CLASP1: variants seen among roughly 807,000 people sequenced by gnomAD.
CLASP1 encodes the protein cytoplasmic linker associated protein 1.
CLASP1 carries 38 observed loss-of-function variants against 192.3 expected under a neutral mutation model. The observed-to-expected ratio is 0.20, with a 90% confidence interval of 0.15 to 0.26. The LOEUF (loss-of-function observed/expected upper bound fraction) is 0.26, where lower values mean the gene tolerates loss of function less well. CLASP1 is among the 10% of genes least tolerant of loss of function. The probability of loss-of-function intolerance (pLI) is 1.00; values close to 1 mark genes in which losing one functional copy is unlikely to be tolerated. For missense variants in CLASP1, 1,433 were observed against 1,932.5 expected, an observed-to-expected ratio of 0.74 and a Z score of 4.85; for synonymous variants, 691 against 712.8, an observed-to-expected ratio of 0.97 and a Z score of 0.49.
At chr2:121,382,122 T>C (rs1021716103) in intron 33 of CLASP1, 86 bp downstream of exon 34, 1 of 1,035,942 alleles carries the variant, frequency 9.7e-7, no homozygotes, top group African/African-American at 1.6e-5. Flanking sequence ...GGAGGCAGCT[T>C]AGAGGCTTTC....
At chr2:121,623,584 A>C (rs959308632) in intron 1 of CLASP1, among the ~76,000 whole-genome samples, 1 of 152,202 alleles carries the variant, frequency 6.6e-6, no homozygotes, top group Non-Finnish European at 1.5e-5. Context: ...CTTTATTTTG[A>C]AAGAGTGTGT....
rs568131405 is a variant in CLASP1, at chr2:121,400,824, A to C, written c.2900+685T>G. On this transcript the variant is annotated intron_variant, in intron 28 of 39. Transcript: ENST00000263710. ...CCTTTGTTCTTTAAAAAAGTTCACC[A>C]ATTTGACATTCCCCCCATCCATCTT... Among the ~76,000 whole-genome samples the C allele has an allele frequency of 1.9e-4, 29 of 152,290 alleles. 2 individuals carry two copies. In the South Asian group the frequency reaches 5.8e-3, roughly 30 times the overall value.
At chr2:121,559,144 C>A (rs2058847604) in intron 2 of CLASP1, among the ~76,000 whole-genome samples, 1 of 152,180 alleles carries the variant, frequency 6.6e-6, no homozygotes, top group Non-Finnish European at 1.5e-5. Flanking sequence ...ACAAACCCAG[C>A]AGAATGCTCA....
At chr2:121,365,022 G>T in intron 36 of CLASP1, 72 bp downstream of exon 37, 2 of 1,364,020 alleles carry the variant, frequency 1.5e-6, no homozygotes, top group Non-Finnish European at 2.1e-6. Context: ...CTGAAGCTAA[G>T]CCCAATAAGA....
chr2:121,644,797 A>G (rs2072848992), intron 1 of CLASP1, among the ~76,000 whole-genome samples: 1 of 151,950 alleles, frequency 6.6e-6, no homozygotes, highest in South Asian at 2.1e-4. Context: ...TTCTAAAACA[A>G]AATTTAGAAA....
At chr2:121,453,148 T>C (rs191944083) in intron 14 of CLASP1, among the ~76,000 whole-genome samples, 4 of 152,186 alleles carry the variant, frequency 2.6e-5, no homozygotes, top group South Asian at 4.1e-4. Flanking sequence ...AAAAAATTAG[T>C]TGGGCATGGT....
chr2:121,478,044 T>C (rs2091855744), intron 8 of CLASP1, among the ~76,000 whole-genome samples: 1 of 152,202 alleles, frequency 6.6e-6, no homozygotes, highest in Non-Finnish European at 1.5e-5. Flanking sequence ...ATTTCTCAAG[T>C]ACAGTATCTT....
At chr2:121,493,095 A>G (rs1445170538) in intron 8 of CLASP1, among the ~76,000 whole-genome samples, 6 of 152,234 alleles carry the variant, frequency 3.9e-5, no homozygotes, top group African/African-American at 1.4e-4. Context: ...GATCCAACAT[A>G]ATCCCTATCA....
intron 7 of CLASP1, among the ~76,000 whole-genome samples, chr2:121,510,848 CGAAT>C (rs376036638): frequency 1.3e-5 from 2 of 151,202 alleles, no homozygotes; most frequent in Non-Finnish European, 1.5e-5. Context: ...AATAAATGGA[CGAAT>C]GAATGAATGA....
chr2:121,365,881 A>G (rs532704646), intron 35 of CLASP1, among the ~76,000 whole-genome samples: 2 of 152,350 alleles, frequency 1.3e-5, no homozygotes, highest in African/African-American at 4.8e-5. Context: ...ATGACTCAAC[A>G]TAGTTACCTG....
chr2:121,629,023 G>A (rs1026241286), intron 1 of CLASP1, among the ~76,000 whole-genome samples: 3 of 150,874 alleles, frequency 2.0e-5, no homozygotes, highest in South Asian at 2.1e-4. Context: ...AAATGTTAAC[G>A]AACAGGGAAG....
intron 6 of CLASP1, among the ~76,000 whole-genome samples, chr2:121,521,982 T>G (rs1276927942): frequency 6.6e-6 from 1 of 151,868 alleles, no homozygotes; most frequent in African/African-American, 2.4e-5. Context: ...AATGAAAAAA[T>G]TAAAATAAAG....
chr2:121,647,926 C>T (rs1325537646), intron 1 of CLASP1, among the ~76,000 whole-genome samples: 3 of 152,110 alleles, frequency 2.0e-5, no homozygotes, highest in African/African-American at 7.2e-5. Context: ...TACAAGGTAG[C>T]CCATAATAAA....
chr2:121,391,623 G>T (rs1008080940), intron 30 of CLASP1, among the ~76,000 whole-genome samples: 24 of 152,200 alleles, frequency 1.6e-4, no homozygotes, highest in African/African-American at 5.8e-4. Context: ...AAAGAGTCCG[G>T]GCGTGGTGGC....
At chr2:121,367,784 C>A in exon 35 of CLASP1, 2 of 1,613,882 alleles carry the variant, frequency 1.2e-6, no homozygotes, top group Non-Finnish European at 8.5e-7. Context: ...CTTCACTACC[C>A]CCCCGGCCCT....
At chr2:121,644,817 G>A (rs772535677) in intron 1 of CLASP1, among the ~76,000 whole-genome samples, 10 of 151,946 alleles carry the variant, frequency 6.6e-5, no homozygotes, top group Non-Finnish European at 1.5e-4. Flanking sequence ...AATTAGCCAG[G>A]TGTGGTGGTG....
intron 20 of CLASP1, among the ~76,000 whole-genome samples, chr2:121,428,179 T>C (rs2080772756): frequency 6.6e-6 from 1 of 152,114 alleles, no homozygotes; most frequent in Non-Finnish European, 1.5e-5. Context: ...CTAATCACTA[T>C]TAGAGAAAGA....
chr2:121,514,389 T>C (rs1271310294), intron 7 of CLASP1, among the ~76,000 whole-genome samples: 1 of 152,184 alleles, frequency 6.6e-6, no homozygotes, highest in African/African-American at 2.4e-5. Flanking sequence ...TGATCATCTG[T>C]GCCCTCCAAC....
chr2:121,495,575 C>T (rs766277677), intron 8 of CLASP1, among the ~76,000 whole-genome samples: 1 of 151,652 alleles, frequency 6.6e-6, no homozygotes, highest in Non-Finnish European at 1.5e-5. Context: ...GCAGGAGAAG[C>T]GCTCGAACCA....
Sources: gnomAD v4.1 joint callset for allele counts (sites outside exome capture counted in the v4.1 genomes callset) on GRCh38, gnomAD v4.1.1 for gene constraint, MANE v1.5 for transcripts, NCBI Gene and HGNC (gene_info 2026-07-23, HGNC 2026-07-21) for gene names.